Variants in ADO observed in about 807,000 individuals in gnomAD.
ADO encodes the protein 2-aminoethanethiol (cysteamine) dioxygenase.
In ADO, 9 loss-of-function variants were observed where a neutral mutation model predicts 16.6. The ratio of observed to expected loss-of-function variants is 0.54; its 90% confidence interval spans 0.33 to 0.95. ADO has a LOEUF of 0.95. Ranked by LOEUF, ADO falls within the 40% of genes least tolerant of loss-of-function variation. The probability of loss-of-function intolerance (pLI) is 0.03; values close to 1 mark genes in which losing one functional copy is unlikely to be tolerated. For synonymous variants in ADO, 189 were observed against 179.6 expected (o/e 1.05, Z -0.42); for missense variants, 356 against 386.4 (o/e 0.92, Z 0.66).
chr10:62,807,265 A>G lies in ADO; in HGVS notation c.*1393A>G, dbSNP rs1192486056. 6.0e-6 allele frequency: 1 copy of G among 167,198 alleles called. No individual in the cohort carries two copies. Among genetic ancestry groups the G allele is most frequent in the Non-Finnish European group, 1.5e-5 (1 of 68,124 alleles). 10.4% of individuals were successfully genotyped at this position (167,198 alleles called of 1,614,324 possible). A position where few individuals can be genotyped will look rare whatever the true frequency, so the allele number is the denominator to read the frequency against. ...GGAGCACTGTTTCTCCCTTTTTACT[A>G]TTTATAGGATTCCGTTTTTTCACAA... On this transcript the variant is annotated 3_prime_UTR_variant, in exon 1 of 1. Transcript: ENST00000373783.
Position 62,804,802 on chromosome 10 carries a change from C to A in ADO, c.-258C>A, listed in dbSNP as rs983005706. ...CAAAGCCTGGCACCGTCTGCGCGGC[C>A]GCTATCTGCTCCCGGAGCGTGAGTG... On this transcript the variant is annotated 5_prime_UTR_variant, in exon 1 of 1. Transcript: ENST00000373783. The A allele has an allele frequency of 1.2e-5, 3 of 259,028 alleles. No homozygotes were observed. Among genetic ancestry groups the A allele is most frequent in the Non-Finnish European group, 2.2e-5 (3 of 139,224 alleles). 16.0% of individuals were successfully genotyped at this position (259,028 alleles called of 1,614,324 possible). A position where few individuals can be genotyped will look rare whatever the true frequency, so the allele number is the denominator to read the frequency against.
rs1340319971 is a variant in ADO, at chr10:62,805,138, G to T, written c.79G>T (p.Gly27Cys). The change falls in exon 1 of 1, where the codon GGC becomes TGC. Residue 27 changes from glycine to cysteine, a missense_variant. Transcript: ENST00000373783. This position sits in a 1 kb window ranked among gnomAD's most constrained non-coding sequence, Gnocchi z 6.4. ...ACLTFRGSGG[G>C]RGASDRDAAS... ...CCTCACCTTCCGGGGCAGCGGGGGC[G>T]GCCGCGGCGCTTCCGATCGCGACGC... 2 of 1,567,804 alleles carry T rather than the reference G, an allele frequency of 1.3e-6. No individual in the cohort carries two copies. The highest frequency in any genetic ancestry group is 2.3e-5 in the East Asian group (1 of 43,758).
In ADO at chr10:62,805,842, A is replaced by C; in HGVS notation, c.783A>C (p.Glu261Asp). Residue 261 changes from glutamate to aspartate, a missense_variant, in exon 1 of 1, where the codon GAA (glutamate) becomes GAC (aspartate). Glu to Asp is a conservative substitution (Grantham distance 45). Coordinates refer to ENST00000373783, the MANE Select transcript of ADO (RefSeq NM_032804.6). The surrounding 1 kb of genome is among the most constrained non-coding windows in gnomAD (Gnocchi z 6.4). ...CCGATGACTTCTGGTGCGAGGGAGAACCCTATCCAGGTCCCAAGGTCTTCC... is the reference window on the plus strand; with the variant it reads ...CCGATGACTTCTGGTGCGAGGGAGACCCCTATCCAGGTCCCAAGGTCTTCC... ...PQADDFWCEG[E>D]PYPGPKVFP 1 of 1,544,654 alleles carries C rather than the reference A, an allele frequency of 6.5e-7. No homozygotes were observed.
Position 62,805,112 on chromosome 10 carries a change from G to C in ADO, c.53G>C (p.Cys18Ser), listed in dbSNP as rs749792779. ...SLIQRIARQA[C>S]LTFRGSGGGR... ...ATCCAACGGATCGCCCGCCAGGCTT[G>C]CCTCACCTTCCGGGGCAGCGGGGGC... The change falls in exon 1 of 1, where the codon TGC becomes TCC. Residue 18 changes from cysteine to serine, a missense_variant. Transcript: ENST00000373783. The surrounding 1 kb of genome is among the most constrained non-coding windows in gnomAD (Gnocchi z 6.4). 1 of 1,543,232 alleles carries C rather than the reference G, an allele frequency of 6.5e-7. No individual in the cohort carries two copies. Among genetic ancestry groups the C allele is most frequent in the Admixed American group, 2.0e-5 (1 of 49,010 alleles).
At position 62,806,131 on chromosome 10, in the gene ADO, A is replaced by G. The variant is rs572689382; in HGVS notation, c.*259A>G. 6.9e-4 allele frequency: 298 copies of G among 431,300 alleles called. 4 individuals carry two copies. The South Asian group carries it at 9.7e-3, about 14-fold the overall frequency. The allele number at this position is 431,300 out of a possible 1,614,324, so 26.7% of individuals were successfully genotyped here. ...ATTTGGAGGAATGGGGCAGGGGACT[A>G]TCTGAAGCGCTTCCATCCTAAAGCC... is the stretch of plus-strand genomic sequence containing the variant. On this transcript the variant is annotated 3_prime_UTR_variant, in exon 1 of 1. Coordinates refer to ENST00000373783, the MANE Select transcript of ADO (RefSeq NM_032804.6).
At position 62,805,603 on chromosome 10, in the gene ADO, C is replaced by G; in HGVS notation, c.544C>G (p.Pro182Ala). ...SRAEYTEASG[P>A]CILTPHRDNL... ...GGCCGAGTACACCGAGGCCAGCGGC[C>G]CCTGCATCCTCACACCGCACCGGGA... is the stretch of plus-strand genomic sequence containing the variant. The change falls in exon 1 of 1, where the codon CCC (proline) becomes GCC (alanine). Residue 182 changes from proline (P) to alanine (A), a missense_variant. Pro to Ala is a conservative substitution (Grantham distance 27, BLOSUM62 -1). Coordinates refer to ENST00000373783, the MANE Select transcript of ADO (RefSeq NM_032804.6). The surrounding 1 kb of genome is among the most constrained non-coding windows in gnomAD (Gnocchi z 6.4). 6.3e-7 allele frequency: 1 copy of G among 1,596,816 alleles called. No individual in the cohort carries two copies. Among genetic ancestry groups the G allele is most frequent in the Non-Finnish European group, 8.5e-7 (1 of 1,172,964 alleles).
In ADO at chr10:62,808,279, T is replaced by C. The variant is rs1298697460; in HGVS notation, c.*2407T>C. On this transcript the variant is annotated 3_prime_UTR_variant, in exon 1 of 1. Coordinates refer to ENST00000373783, the MANE Select transcript of ADO (RefSeq NM_032804.6). Reference sequence around the variant, plus strand: ...GACAAAATGTGGTGCAGAAACTATCTTGCACCTGTGTGCATAAACTGTTAG... The same window carrying C: ...GACAAAATGTGGTGCAGAAACTATCCTGCACCTGTGTGCATAAACTGTTAG... 6.0e-6 allele frequency: 1 copy of C among 167,290 alleles called. No homozygotes were observed. The highest frequency in any genetic ancestry group is 2.4e-5 in the African/African-American group (1 of 41,480). The allele number at this position is 167,290 out of a possible 1,614,324, so 10.4% of individuals were successfully genotyped here.
chr10:62,805,943 C>T lies in ADO; in HGVS notation c.*71C>T. 10 of 1,353,650 alleles carry T rather than the reference C, an allele frequency of 7.4e-6. No individual in the cohort carries two copies. The highest frequency in any genetic ancestry group is 3.3e-5 in the South Asian group (2 of 60,592). 83.9% of individuals were successfully genotyped at this position (1,353,650 alleles called of 1,614,324 possible). The stretch of plus-strand genomic sequence containing the variant: ...TACCACAAGGGCTGTGTCTCTACCC[C>T]CTAGCCTGGGCGTTGGATCTACTGG... On this transcript the variant is annotated 3_prime_UTR_variant, in exon 1 of 1. Transcript: ENST00000373783. This position sits in a 1 kb window ranked among gnomAD's most constrained non-coding sequence, Gnocchi z 6.4.
In ADO at chr10:62,806,173, C is replaced by T. The variant is rs1323663628; in HGVS notation, c.*301C>T. ...CCTAAAGCCATAATGAAAATATCTTCCTCTCTTCCCCATTCTATACAAAAT... is the reference window on the plus strand; with the variant it reads ...CCTAAAGCCATAATGAAAATATCTTTCTCTCTTCCCCATTCTATACAAAAT... On this transcript the variant is annotated 3_prime_UTR_variant, in exon 1 of 1. Transcript: ENST00000373783. 9 of 329,804 alleles carry T rather than the reference C, an allele frequency of 2.7e-5. No homozygotes were observed. The highest frequency in any genetic ancestry group is 8.3e-4 in the Middle Eastern group (1 of 1,202). The allele number at this position is 329,804 out of a possible 1,614,324, so 20.4% of individuals were successfully genotyped here.
chr10:62,805,131 C>T lies in ADO; in HGVS notation c.72C>T (p.Ser24=), dbSNP rs775749855. ...AGGCTTGCCTCACCTTCCGGGGCAG[C>T]GGGGGCGGCCGCGGCGCTTCCGATC... is the stretch of plus-strand genomic sequence containing the variant. ...ARQACLTFRG[S]GGGRGASDRD... Residue 24 remains serine (S), a synonymous_variant, in exon 1 of 1, where the codon AGC becomes AGT. Transcript: ENST00000373783. The surrounding 1 kb of genome is among the most constrained non-coding windows in gnomAD (Gnocchi z 6.4). 5.1e-6 allele frequency: 8 copies of T among 1,563,810 alleles called. No homozygotes were observed. The South Asian group carries it at 8.3e-5, about 16-fold the overall frequency.
At position 62,805,394 on chromosome 10, in the gene ADO, A is replaced by G; in HGVS notation, c.335A>G (p.His112Arg). ...AAGAGCGGCACGTCCATCCCGCTGC[A>G]CGACCACCCGGGCATGCACGGCATG... Reference protein sequence around the residue: ...LLKSGTSIPLHDHPGMHGMLK... With the variant: ...LLKSGTSIPLRDHPGMHGMLK... The change falls in exon 1 of 1, where the codon CAC (histidine) becomes CGC (arginine). Residue 112 changes from histidine to arginine, a missense_variant. His to Arg is a conservative substitution (Grantham distance 29). Transcript: ENST00000373783. This position sits in a 1 kb window ranked among gnomAD's most constrained non-coding sequence, Gnocchi z 6.4. 3 of 1,591,572 alleles carry G rather than the reference A, an allele frequency of 1.9e-6. No homozygotes were observed. Among genetic ancestry groups the G allele is most frequent in the Non-Finnish European group, 2.6e-6 (3 of 1,172,564 alleles).
Position 62,804,965 on chromosome 10 carries a change from G to T in ADO, c.-95G>T, listed in dbSNP as rs1283953674. 5 of 1,197,660 alleles carry T rather than the reference G, an allele frequency of 4.2e-6. No individual in the cohort carries two copies. The highest frequency in any genetic ancestry group is 3.2e-5 in the South Asian group (1 of 31,378). The allele number at this position is 1,197,660 out of a possible 1,614,324, so 74.2% of individuals were successfully genotyped here. A position where few individuals can be genotyped will look rare whatever the true frequency, so the allele number is the denominator to read the frequency against. ...CGGTGGTTGCGGGGCCTCCCGCCTC[G>T]ACCCGGGCTGGGGGCAGCCGTGGCG... On this transcript the variant is annotated 5_prime_UTR_variant, in exon 1 of 1. Coordinates refer to ENST00000373783, the MANE Select transcript of ADO (RefSeq NM_032804.6).
rs974645536 is a variant in ADO, at chr10:62,804,906, T to C, written c.-154T>C. ...CGGGCAGTTGCGGGCGCGTGGCTGC[T>C]GAGGTTGGCGGCGGTGCCGCGCGCC... On this transcript the variant is annotated 5_prime_UTR_variant, in exon 1 of 1. Transcript: ENST00000373783. 81 of 626,556 alleles carry C rather than the reference T, an allele frequency of 1.3e-4. No individual in the cohort carries two copies. The Admixed American group carries it at 2.5e-3, about 20-fold the overall frequency. 38.8% of individuals were successfully genotyped at this position (626,556 alleles called of 1,614,324 possible). A position where few individuals can be genotyped will look rare whatever the true frequency, so the allele number is the denominator to read the frequency against.
In ADO at chr10:62,805,063, C is replaced by T; in HGVS notation, c.4C>T (p.Pro2Ser). 2 of 1,491,326 alleles carry T rather than the reference C, an allele frequency of 1.3e-6. No individual in the cohort carries two copies. Among genetic ancestry groups the T allele is most frequent in the Non-Finnish European group, 8.9e-7 (1 of 1,124,756 alleles). 92.4% of individuals were successfully genotyped at this position (1,491,326 alleles called of 1,614,324 possible). M[P>S]RDNMASLIQR... is the part of the protein sequence containing the mutation. ...GCACGCAGAGGAGCAGCCGACCATG[C>T]CCCGAGACAACATGGCCTCCTTGAT... is the stretch of plus-strand genomic sequence containing the variant. Residue 2 changes from proline to serine, a missense_variant, in exon 1 of 1, where the codon CCC (proline) becomes TCC (serine). Transcript: ENST00000373783. This position sits in a 1 kb window ranked among gnomAD's most constrained non-coding sequence, Gnocchi z 6.4.
chr10:62,805,884 C>G lies in ADO; in HGVS notation c.*12C>G, dbSNP rs1402922831. 1.4e-6 allele frequency: 2 copies of G among 1,477,486 alleles called. No individual in the cohort carries two copies. The highest frequency in any genetic ancestry group is 2.4e-5 in the Admixed American group (1 of 40,832). The allele number at this position is 1,477,486 out of a possible 1,614,324, so 91.5% of individuals were successfully genotyped here. A position where few individuals can be genotyped will look rare whatever the true frequency, so the allele number is the denominator to read the frequency against. On this transcript the variant is annotated 3_prime_UTR_variant, in exon 1 of 1. Transcript: ENST00000373783. This position sits in a 1 kb window ranked among gnomAD's most constrained non-coding sequence, Gnocchi z 6.4. Reference sequence around the variant, plus strand: ...AGGTCTTCCCTTGAAGCCACTGGCGCCCAGGAGCGGTGGGCCGAAGACGTG... The same window carrying G: ...AGGTCTTCCCTTGAAGCCACTGGCGGCCAGGAGCGGTGGGCCGAAGACGTG...
chr10:62,806,616 A>G lies in ADO; in HGVS notation c.*744A>G, dbSNP rs1461338868. 1 of 167,256 alleles carries G rather than the reference A, an allele frequency of 6.0e-6. No individual in the cohort carries two copies. The highest frequency in any genetic ancestry group is 1.5e-5 in the Non-Finnish European group (1 of 68,126). 10.4% of individuals were successfully genotyped at this position (167,256 alleles called of 1,614,324 possible). A position where few individuals can be genotyped will look rare whatever the true frequency, so the allele number is the denominator to read the frequency against. ...GCTTATCTTCCCTATGAATCTCCAG[A>G]TCTGTGAGTCGAGCAGATTTCATGT... On this transcript the variant is annotated 3_prime_UTR_variant, in exon 1 of 1. Transcript: ENST00000373783.
At position 62,805,639 on chromosome 10, in the gene ADO, C is replaced by G. The variant is rs768632319; in HGVS notation, c.580C>G (p.Gln194Glu). 1 of 1,608,948 alleles carries G rather than the reference C, an allele frequency of 6.2e-7. No individual in the cohort carries two copies. Among genetic ancestry groups the G allele is most frequent in the Non-Finnish European group, 8.5e-7 (1 of 1,178,382 alleles). Residue 194 changes from glutamine (Q) to glutamate (E), a missense_variant, in exon 1 of 1, where the codon CAG (glutamine) becomes GAG (glutamate). Physicochemically the swap from Gln to Glu is conservative, Grantham distance 29. Coordinates refer to ENST00000373783, the MANE Select transcript of ADO (RefSeq NM_032804.6). The surrounding 1 kb of genome is among the most constrained non-coding windows in gnomAD (Gnocchi z 6.4). ...CACACCGCACCGGGACAACCTGCAC[C>G]AGATCGACGCCGTGGAAGGGCCTGC... ...ILTPHRDNLH[Q>E]IDAVEGPAAF...
Position 62,807,058 on chromosome 10 carries a change from A to G in ADO, c.*1186A>G, listed in dbSNP as rs754926988. On this transcript the variant is annotated 3_prime_UTR_variant, in exon 1 of 1. Transcript: ENST00000373783. ...GAAGATCACAGCTAGAGAATTGAGA[A>G]TTAACTATACTACTAGCCATTTTAG... is the stretch of plus-strand genomic sequence containing the variant. 4.8e-5 allele frequency: 8 copies of G among 167,266 alleles called. No individual in the cohort carries two copies. The highest frequency in any genetic ancestry group is 1.2e-4 in the Non-Finnish European group (8 of 68,130). The allele number at this position is 167,266 out of a possible 1,614,324, so 10.4% of individuals were successfully genotyped here.
In ADO at chr10:62,805,579, G is replaced by A; in HGVS notation, c.520G>A (p.Ala174Thr). 1 of 1,575,838 alleles carries A rather than the reference G, an allele frequency of 6.3e-7. No homozygotes were observed. The highest frequency in any genetic ancestry group is 1.3e-5 in the African/African-American group (1 of 74,322). ...AVRPGVLRSR[A>T]EYTEASGPCI... ...GCGGCCGGGCGTGCTGCGTTCGCGG[G>A]CCGAGTACACCGAGGCCAGCGGCCC... is the stretch of plus-strand genomic sequence containing the variant. The change falls in exon 1 of 1, where the codon GCC (alanine) becomes ACC (threonine). Residue 174 changes from alanine to threonine, a missense_variant. Physicochemically the swap from Ala to Thr is moderately conservative, Grantham distance 58 (BLOSUM62 0). Transcript: ENST00000373783. This position sits in a 1 kb window ranked among gnomAD's most constrained non-coding sequence, Gnocchi z 6.4.
Sources: gnomAD v4.1 joint callset for allele counts on GRCh38, gnomAD v4.1.1 for gene constraint, Gnocchi (gnomAD v3.1) non-coding constraint, MANE v1.5 for transcripts, NCBI Gene and HGNC (gene_info 2026-07-23, HGNC 2026-07-21) for gene names.